GALNTL6: variants seen among roughly 807,000 people sequenced by gnomAD.
The protein encoded by GALNTL6 is polypeptide N-acetylgalactosaminyltransferase like 6, also known as polypeptide N-acetylgalactosaminyltransferase-like 6.
Under a neutral mutation model 73.7 loss-of-function variants are expected in GALNTL6, and 46 were observed. The observed-to-expected ratio is 0.62, with a 90% confidence interval of 0.49 to 0.80. GALNTL6 has a LOEUF of 0.80. Ranked by LOEUF, GALNTL6 falls within the 30% of genes least tolerant of loss-of-function variation. The pLI, the probability that GALNTL6 is intolerant of heterozygous loss-of-function variation, is 0.00. For missense variants in GALNTL6, 604 were observed against 755.0 expected, an observed-to-expected ratio of 0.80 and a Z score of 2.34; for synonymous variants, 259 against 263.7, an observed-to-expected ratio of 0.98 and a Z score of 0.17.
At chr4:172,343,530 A>C (rs192808836) in intron 4 of GALNTL6, among the ~76,000 whole-genome samples, 1 of 152,212 alleles carries the variant, frequency 6.6e-6, no homozygotes, top group African/African-American at 2.4e-5. Flanking sequence ...TGTTGAAAAA[A>C]CCACTTATTT....
At chr4:172,741,585 C>T (rs1329252812) in intron 5 of GALNTL6, among the ~76,000 whole-genome samples, 1 of 151,896 alleles carries the variant, frequency 6.6e-6, no homozygotes, top group Non-Finnish European at 1.5e-5. Flanking sequence ...GAGATAATAG[C>T]TTAATAACTA....
At chr4:172,433,671 C>T (rs1336984102) in intron 5 of GALNTL6, among the ~76,000 whole-genome samples, 1 of 151,948 alleles carries the variant, frequency 6.6e-6, no homozygotes, top group Non-Finnish European at 1.5e-5. Context: ...TCCTGAAAAT[C>T]CAGGCTCCCA....
intron 2 of GALNTL6, among the ~76,000 whole-genome samples, chr4:172,201,021 AGCTGAAAAGT>A (rs1735933089): frequency 6.6e-6 from 1 of 152,216 alleles, no homozygotes; most frequent in South Asian, 2.1e-4. Flanking sequence ...ATGAAAGAGA[AGCTGAAAAGT>A]GCTCACTTTA....
intron 3 of GALNTL6, among the ~76,000 whole-genome samples, chr4:172,261,115 CT>C (rs1738243147): frequency 6.6e-6 from 1 of 151,336 alleles, no homozygotes; most frequent in Non-Finnish European, 1.5e-5. Context: ...GATTGACTTG[CT>C]TCATATAATG....
rs146215309 is a variant in GALNTL6 at position 171,998,190 on chromosome 4, T to C, written c.138+183472T>C. On this transcript the variant is annotated intron_variant, in intron 2 of 12. Coordinates refer to ENST00000506823, the MANE Select transcript of GALNTL6 (RefSeq NM_001034845.3). ...ACTTTAATTGTCACTCAGTTGCATC[T>C]AGAAATAGGTGTCATTTAGTCCATC... Among the ~76,000 whole-genome samples the C allele has an allele frequency of 1.3e-3, 195 of 152,276 alleles. 4 individuals carry two copies. The East Asian group carries it at 0.034, about 27-fold the overall frequency.
intron 2 of GALNTL6, among the ~76,000 whole-genome samples, chr4:172,220,752 A>G (rs973599): frequency 0.41 from 61,433 of 151,454 alleles, 12,705 homozygotes; most frequent in African/African-American, 0.45. Context: ...ATTTAGGACA[A>G]TTTTCTTCAG....
chr4:172,400,378 G>A (rs1743995313), intron 5 of GALNTL6, among the ~76,000 whole-genome samples: 1 of 151,992 alleles, frequency 6.6e-6, no homozygotes, highest in Admixed American at 6.6e-5. Flanking sequence ...GTATAGACAA[G>A]GATCTAACAG....
chr4:172,042,864 TAAAA>T (rs397996272), intron 2 of GALNTL6, among the ~76,000 whole-genome samples: 4 of 44,404 alleles, frequency 9.0e-5, no homozygotes, highest in Non-Finnish European at 1.6e-4. Flanking sequence ...TCTTTAACAG[TAAAA>T]AAAAAAAAAA....
At position 172,600,600 on chromosome 4, in the gene GALNTL6, C is replaced by T. The variant is rs568272612; in HGVS notation, c.554-208761C>T. Among the ~76,000 whole-genome samples the T allele has an allele frequency of 2.0e-5, 3 of 152,230 alleles. No individual in the cohort carries two copies. In the South Asian group the frequency reaches 6.2e-4, roughly 32 times the overall value. On this transcript the variant is annotated intron_variant, in intron 5 of 12. Transcript: ENST00000506823. ...AGCTGATGTGCCTGGAGTAAAACTA[C>T]GTAAGTCTAGGCAGAGAGATACTAC...
intron 10 of GALNTL6, among the ~76,000 whole-genome samples, chr4:173,004,791 G>T (rs1423926798): frequency 1.3e-5 from 2 of 152,124 alleles, no homozygotes; most frequent in South Asian, 2.1e-4. Context: ...AGACCATCAG[G>T]TGCACAAAGG....
intron 2 of GALNTL6, among the ~76,000 whole-genome samples, chr4:172,091,836 CA>C (rs1210797767): frequency 6.6e-6 from 1 of 152,070 alleles, no homozygotes; most frequent in Non-Finnish European, 1.5e-5. Context: ...AAGAGAGAGA[CA>C]GTGAGAGAGA....
chr4:172,393,528 A>G (rs1446414289), intron 5 of GALNTL6, among the ~76,000 whole-genome samples: 1 of 152,248 alleles, frequency 6.6e-6, no homozygotes, highest in African/African-American at 2.4e-5. Flanking sequence ...TTAATGACAC[A>G]TTAAATGATG....
At chr4:172,957,520 T>G (rs1749806946) in intron 10 of GALNTL6, among the ~76,000 whole-genome samples, 1 of 152,210 alleles carries the variant, frequency 6.6e-6, no homozygotes, top group Non-Finnish European at 1.5e-5. Flanking sequence ...GCTGCTTTTT[T>G]AGCTATCTTA....
At chr4:172,107,828 G>GA (rs143893750) in intron 2 of GALNTL6, among the ~76,000 whole-genome samples, 3 of 151,524 alleles carry the variant, frequency 2.0e-5, no homozygotes, top group South Asian at 4.2e-4. Flanking sequence ...AAGTATAATT[G>GA]AAAAAAAATA....
chr4:171,842,756 C>A (rs1735270660), intron 2 of GALNTL6, among the ~76,000 whole-genome samples: 1 of 152,100 alleles, frequency 6.6e-6, no homozygotes, highest in African/African-American at 2.4e-5. Flanking sequence ...AATCCACCCC[C>A]ATGATTCAAT....
chr4:172,259,092 T>C (rs1169483549), intron 3 of GALNTL6, among the ~76,000 whole-genome samples: 2 of 151,234 alleles, frequency 1.3e-5, no homozygotes, highest in Non-Finnish European at 3.0e-5. Context: ...CTTTTACATA[T>C]AACAACTTCT....
intron 5 of GALNTL6, among the ~76,000 whole-genome samples, chr4:172,568,048 CA>C (rs1400852939): frequency 6.6e-6 from 1 of 152,118 alleles, no homozygotes; most frequent in African/African-American, 2.4e-5. Context: ...GACTCATATT[CA>C]AGTCCTTGAT....
intron 5 of GALNTL6, among the ~76,000 whole-genome samples, chr4:172,593,031 G>A (rs1249612249): frequency 3.3e-5 from 5 of 151,822 alleles, no homozygotes; most frequent in Admixed American, 1.3e-4. Context: ...TGCTTCCCCC[G>A]GGTTGTGTGA....
intron 4 of GALNTL6, among the ~76,000 whole-genome samples, chr4:172,346,351 T>G (rs1219685894): frequency 6.6e-6 from 1 of 152,126 alleles, no homozygotes; most frequent in South Asian, 2.1e-4. Context: ...AAACCTTCAA[T>G]ATGTCCCTCA....
Sources: gnomAD v4.1 joint callset for allele counts (sites outside exome capture counted in the v4.1 genomes callset) on GRCh38, gnomAD v4.1.1 for gene constraint, MANE v1.5 for transcripts, NCBI Gene and HGNC (gene_info 2026-07-23, HGNC 2026-07-21) for gene names.